NID2: variants seen among roughly 807,000 people sequenced by gnomAD.
NID2 encodes nidogen-2.
In NID2, 83 loss-of-function variants were observed where a neutral mutation model predicts 145.4. The observed-to-expected ratio is 0.57, with a 90% CI of 0.48 to 0.69. The LOEUF is 0.69. Ranked by LOEUF, NID2 falls within the 30% of genes least tolerant of loss-of-function variation. The pLI, the probability that NID2 is intolerant of heterozygous loss-of-function variation, is 0.00. For missense variants in NID2, 1,807 were observed against 1,765.7 expected, an observed-to-expected ratio of 1.02 and a Z score of -0.42; for synonymous variants, 739 against 701.3, an observed-to-expected ratio of 1.05 and a Z score of -0.85.
intron 9 of NID2, among the ~76,000 whole-genome samples, chr14:52,030,507 GAAAGAAAGA>G (rs761726423): frequency 6.8e-5 from 5 of 74,040 alleles, no homozygotes; most frequent in East Asian, 3.4e-4. Context: ...GAAAGAGAAA[GAAAGAAAGA>G]AAAGAAAGAA....
In NID2 at chr14:52,006,545, G is replaced by A. The variant is rs536879451; in HGVS notation, c.3996C>T (p.Asp1332=). Residue 1332 remains aspartate, a synonymous_variant, in exon 20 of 22, where the codon GAC becomes GAT. Coordinates refer to ENST00000216286, the MANE Select transcript of NID2 (RefSeq NM_007361.4). ...GAATTTGTGGGGCTCACCTCCTCCAGTCTGTGTGGTAGAAGTGATCTGCAT... is the reference window on the plus strand; with the variant it reads ...GAATTTGTGGGGCTCACCTCCTCCAATCTGTGTGGTAGAAGTGATCTGCAT... ...VSYADHFYHT[D]WRRDGVVSVN... is the part of the protein sequence containing the mutation. 14 of 1,613,590 alleles carry A rather than the reference G, an allele frequency of 8.7e-6. No individual in the cohort carries two copies. Among genetic ancestry groups the A allele is most frequent in the Non-Finnish European group, 3.4e-6 (4 of 1,179,674 alleles).
chr14:52,006,017 A>G (rs1028233891), intron 20 of NID2, 168 bp from the exon 21 acceptor site: 1 of 604,602 alleles, frequency 1.7e-6, no homozygotes, highest in South Asian at 1.9e-5. Flanking sequence ...CTCTAAATCC[A>G]TTGCTCATCT....
At chr14:52,022,995 CCT>C (rs1446675683) in intron 12 of NID2, among the ~76,000 whole-genome samples, 2 of 152,170 alleles carry the variant, frequency 1.3e-5, no homozygotes, top group Non-Finnish European at 2.9e-5. Context: ...TGATTGTACC[CCT>C]GTATGGCATG....
chr14:52,015,980 G>A (rs17124884), intron 14 of NID2, among the ~76,000 whole-genome samples: 15,373 of 152,118 alleles, frequency 0.1, 818 homozygotes, highest in Non-Finnish European at 0.11. Context: ...GCCACCCTGC[G>A]CCTGGGATTA....
chr14:52,030,683 G>A (rs1236081783), intron 9 of NID2, among the ~76,000 whole-genome samples: 1 of 150,956 alleles, frequency 6.6e-6, no homozygotes, highest in Non-Finnish European at 1.5e-5. Flanking sequence ...GAAAGAAAAG[G>A]AAAAGAAAAG....
At chr14:52,018,691 A>T (rs1039708115) in intron 14 of NID2, among the ~76,000 whole-genome samples, 2 of 152,252 alleles carry the variant, frequency 1.3e-5, no homozygotes, top group Admixed American at 6.5e-5. Flanking sequence ...ATAGGAAAGC[A>T]GTTTTCCTTC....
At chr14:52,013,542 TG>T in intron 16 of NID2, among the ~76,000 whole-genome samples, 1 of 152,286 alleles carries the variant, frequency 6.6e-6, no homozygotes, top group East Asian at 1.9e-4. Context: ...AGCAAGTGCC[TG>T]GAGTGTGAAG....
At position 52,019,297 on chromosome 14, in the gene NID2, T is replaced by A. The variant is rs777080977; in HGVS notation, c.2795-3A>T. The A allele has an allele frequency of 8.2e-6, 13 of 1,576,980 alleles. No individual in the cohort carries two copies. Among genetic ancestry groups the A allele is most frequent in the Admixed American group, 1.7e-5 (1 of 58,738 alleles). ...GGGTGTCAGGCTTGAGGTGGAGTCT[T>A]CCAGGATCAAGGCAGAGGAAGACAC... On this transcript the variant is annotated splice_polypyrimidine_tract_variant and splice_region_variant and intron_variant, in intron 13 of 21. Coordinates refer to ENST00000216286, the MANE Select transcript of NID2 (RefSeq NM_007361.4).
Position 52,010,970 on chromosome 14 carries a change from T to C in NID2, c.3628A>G (p.Ile1210Val). 1 of 1,614,140 alleles carries C rather than the reference T, an allele frequency of 6.2e-7. No individual in the cohort carries two copies. Among genetic ancestry groups the C allele is most frequent in the South Asian group, 1.1e-5 (1 of 91,082 alleles). ...MYWTDSVLDKIESALLDGSER... is the reference protein window; with the variant it reads ...MYWTDSVLDKVESALLDGSER... ...GAGCCATCCAGCAGGGCGCTCTCTA[T>C]CTTATCCAGGACACTGTCCGTCCAG... The change falls in exon 18 of 22, where the codon ATA (isoleucine) becomes GTA (valine). Residue 1210 changes from isoleucine to valine, a missense_variant. Ile to Val is a conservative substitution (Grantham distance 29). Transcript: ENST00000216286.
intron 21 of NID2, 37 bp downstream of exon 21, chr14:52,005,700 G>A (rs546122184): frequency 3.9e-6 from 6 of 1,522,798 alleles, no homozygotes; most frequent in African/African-American, 2.7e-5. Flanking sequence ...TCTCTACCCT[G>A]CTAATTTAAA....
At position 52,053,699 on chromosome 14, in the gene NID2, G is replaced by A. The variant is rs1216248193; in HGVS notation, c.1309C>T (p.Pro437Ser). ...ACAATTTCTTCTTCAGGATGAGCTG[G>A]GGGAACATCCATTTCCGAAGGCACT... ...GPVPSEMDVP[P>S]AHPEEEIVLR... Residue 437 changes from proline to serine, a missense_variant, in exon 5 of 22, where the codon CCA (proline) becomes TCA (serine). By Grantham distance (74) the Pro-to-Ser change is moderately conservative. Transcript: ENST00000216286. 1 of 1,614,096 alleles carries A rather than the reference G, an allele frequency of 6.2e-7. No homozygotes were observed. Among genetic ancestry groups the A allele is most frequent in the Non-Finnish European group, 8.5e-7 (1 of 1,180,048 alleles).
At position 52,068,076 on chromosome 14, in the gene NID2, T is replaced by C. The variant is rs750727672; in HGVS notation, c.316A>G (p.Ile106Val). The change falls in exon 2 of 22, where the codon ATC becomes GTC. Residue 106 changes from isoleucine to valine, a missense_variant. Ile to Val is a conservative substitution (Grantham distance 29, BLOSUM62 3). Transcript: ENST00000216286. ...TCGATGTCCGCCAGAAAAGGGGCGA[T>C]GGCCGGGAAGTCGGTGGGGAAATCA... ...DYDFPTDFPA[I>V]APFLADIDTS... The C allele has an allele frequency of 6.2e-7, 1 of 1,613,716 alleles. No individual in the cohort carries two copies. Among genetic ancestry groups the C allele is most frequent in the Admixed American group, 1.7e-5 (1 of 60,006 alleles).
At chr14:52,049,613 C>A (rs575136637) in intron 5 of NID2, among the ~76,000 whole-genome samples, 50 of 151,804 alleles carry the variant, frequency 3.3e-4, no homozygotes, top group African/African-American at 1.2e-3. Flanking sequence ...AGGAAAAATT[C>A]TTCTAAGTTT....
At chr14:52,042,030 C>T in intron 7 of NID2, 75 bp downstream of exon 7, 1 of 1,502,724 alleles carries the variant, frequency 6.7e-7, no homozygotes, top group Non-Finnish European at 8.9e-7. Context: ...TGCGTAAAGG[C>T]CTAAAGACAG....
chr14:52,040,774 C>T lies in NID2; in HGVS notation c.1903G>A (p.Gly635Arg), dbSNP rs1261170933. ...ETVRITQTAE[G>R]LDPENYLSIK... Reference sequence around the variant, plus strand: ...CTCAGGTAGTTCTCTGGGTCAAGTCCCTCAGCAGTTTGAGTGATACGAACC... The same window carrying T: ...CTCAGGTAGTTCTCTGGGTCAAGTCTCTCAGCAGTTTGAGTGATACGAACC... The change falls in exon 8 of 22, where the codon GGA (glycine) becomes AGA (arginine). Residue 635 changes from glycine to arginine, a missense_variant. Gly to Arg is a moderately radical substitution (Grantham distance 125). Transcript: ENST00000216286. 1 of 1,614,122 alleles carries T rather than the reference C, an allele frequency of 6.2e-7. No homozygotes were observed. Among genetic ancestry groups the T allele is most frequent in the South Asian group, 1.1e-5 (1 of 91,076 alleles).
At position 52,040,859 on chromosome 14, in the gene NID2, T is replaced by A; in HGVS notation, c.1826-8A>T. On this transcript the variant is annotated splice_polypyrimidine_tract_variant and splice_region_variant and intron_variant, in intron 7 of 21. Coordinates refer to ENST00000216286, the MANE Select transcript of NID2 (RefSeq NM_007361.4). ...CATGGGTAAAGGCAGCACCTGGAGA[T>A]GAAAAACATTCAGCACAGGGATGAA... 1 of 1,613,806 alleles carries A rather than the reference T, an allele frequency of 6.2e-7. No homozygotes were observed. Among genetic ancestry groups the A allele is most frequent in the Non-Finnish European group, 8.5e-7 (1 of 1,179,680 alleles).
chr14:52,009,292 T>G (rs1890917485), intron 18 of NID2: 1 of 152,186 alleles, frequency 6.6e-6, no homozygotes, highest in Non-Finnish European at 1.5e-5. Context: ...CCAAAATGAT[T>G]TAATATCATC....
chr14:52,013,697 ACATCCCCTGGGGAAGGCTC>A (rs1001762663), intron 16 of NID2, among the ~76,000 whole-genome samples: 4 of 152,146 alleles, frequency 2.6e-5, no homozygotes, highest in African/African-American at 9.7e-5. Context: ...GAAGCATCAA[ACATCCCCTGGGGAAGGCTC>A]CATCCACTCC....
At position 52,022,562 on chromosome 14, in the gene NID2, T is replaced by C. The variant is rs79406623; in HGVS notation, c.2675-2384A>G. On this transcript the variant is annotated intron_variant, in intron 12 of 21. Transcript: ENST00000216286. ...GCCACTGCTTATGCTTAGTCATTACTAGCAGGGGCCTGTAGGGACTGCTAT... is the reference window on the plus strand; with the variant it reads ...GCCACTGCTTATGCTTAGTCATTACCAGCAGGGGCCTGTAGGGACTGCTAT... Among the ~76,000 whole-genome samples, 137 of 152,306 alleles carry C rather than the reference T, an allele frequency of 9.0e-4. 5 individuals carry two copies. The East Asian group carries it at 0.023, about 26-fold the overall frequency.
Sources: gnomAD v4.1 joint callset for allele counts (sites outside exome capture counted in the v4.1 genomes callset) on GRCh38, gnomAD v4.1.1 for gene constraint, MANE v1.5 for transcripts, NCBI Gene and HGNC (gene_info 2026-07-23, HGNC 2026-07-21) for gene names.